The following PIK3CD variants were observed in gnomAD, a reference collection of about 807,000 sequenced individuals.
PIK3CD encodes the protein phosphatidylinositol-4,5-bisphosphate 3-kinase catalytic subunit delta, also known as phosphatidylinositol 4,5-bisphosphate 3-kinase catalytic subunit delta isoform.
Under a neutral mutation model 122.9 loss-of-function variants are expected in PIK3CD, and 20 were observed. The observed-to-expected ratio is 0.16, with a 90% confidence interval of 0.11 to 0.24. The LOEUF (loss-of-function observed/expected upper bound fraction) is 0.24, where lower values mean the gene tolerates loss of function less well. Ranked by LOEUF, PIK3CD falls within the 10% of genes least tolerant of loss-of-function variation. PIK3CD has a pLI of 1.00. For missense variants in PIK3CD, 787 were observed against 1,406.3 expected, an observed-to-expected ratio of 0.56 and a Z score of 7.04; for synonymous variants, 596 against 593.4, an observed-to-expected ratio of 1.00 and a Z score of -0.06.
chr1:9,658,385 CAAAA>C (rs58808659), intron 1 of PIK3CD, among the ~76,000 whole-genome samples: 1 of 81,616 alleles, frequency 1.2e-5, no homozygotes. Flanking sequence ...GACCCTGTCT[CAAAA>C]AAAAAAAAAA....
rs563799445 is a variant in PIK3CD at position 9,679,931 on chromosome 1, C to T, written c.-137-11536C>T. Among the ~76,000 whole-genome samples the T allele has an allele frequency of 2.8e-4, 42 of 151,990 alleles. 1 individual carries two copies. The South Asian group carries it at 8.3e-3, about 30-fold the overall frequency. ...CCTCTGCCTCCCGGGTTCAAGTGAT[C>T]CTTCTGTTTCAGCCTCCCGAGTAGC... On this transcript the variant is annotated intron_variant, in intron 1 of 23. Coordinates refer to ENST00000377346, the MANE Select transcript of PIK3CD (RefSeq NM_005026.5).
In PIK3CD at chr1:9,721,747, C is replaced by T; in HGVS notation, c.1956-14C>T. 2 of 1,612,506 alleles carry T rather than the reference C, an allele frequency of 1.2e-6. No individual in the cohort carries two copies. The highest frequency in any genetic ancestry group is 2.7e-5 in the African/African-American group (2 of 75,052). ...TGCTGCCTGGTGAGGCTCAGCCCTC[C>T]CTTCACCTTCCAGCTCCGAGATGCA... On this transcript the variant is annotated splice_polypyrimidine_tract_variant and intron_variant, in intron 15 of 23. Coordinates refer to ENST00000377346, the MANE Select transcript of PIK3CD (RefSeq NM_005026.5).
At chr1:9,635,887 A>G in the PIK3CD span, among the ~76,000 whole-genome samples, 1 of 152,232 alleles carries the variant, frequency 6.6e-6, no homozygotes, top group Non-Finnish European at 1.5e-5. Context: ...ACATGTGAGC[A>G]TCTGGCTGCC....
Position 9,717,706 on chromosome 1 carries a change from G to A in PIK3CD, c.1020+80G>A, listed in dbSNP as rs1214984421. The A allele has an allele frequency of 8.0e-7, 1 of 1,257,142 alleles. No individual in the cohort carries two copies. Among genetic ancestry groups the A allele is most frequent in the Non-Finnish European group, 1.1e-6 (1 of 870,394 alleles). The allele number at this position is 1,257,142 out of a possible 1,614,324, so 77.9% of individuals were successfully genotyped here. On this transcript the variant is annotated intron_variant, in intron 8 of 23. Coordinates refer to ENST00000377346, the MANE Select transcript of PIK3CD (RefSeq NM_005026.5). The surrounding 1 kb of genome is among the most constrained non-coding windows in gnomAD (Gnocchi z 5.4). Reference sequence around the variant, plus strand: ...GCTGTATCCTGGAGGGGTAGCAGAGGAAGGAGGGGGATCACATGAAAGCCA... The same window carrying A: ...GCTGTATCCTGGAGGGGTAGCAGAGAAAGGAGGGGGATCACATGAAAGCCA...
intron 3 of PIK3CD, among the ~76,000 whole-genome samples, chr1:9,714,649 G>A (rs998916403): frequency 2.0e-5 from 3 of 152,094 alleles, no homozygotes; most frequent in Admixed American, 2.0e-4. Flanking sequence ...GTCACAGCTT[G>A]GCGCCATCCC....
intron 2 of PIK3CD, among the ~76,000 whole-genome samples, chr1:9,692,737 T>C (rs192510606): frequency 5.6e-4 from 85 of 152,014 alleles, no homozygotes; most frequent in East Asian, 4.6e-3. Flanking sequence ...CTCAAAAAAA[T>C]AAATAAATAA....
the PIK3CD span, among the ~76,000 whole-genome samples, chr1:9,633,800 C>G: frequency 6.6e-6 from 1 of 152,076 alleles, no homozygotes. Flanking sequence ...TCTTGGAATG[C>G]TACCTCTGCC....
At chr1:9,675,096 C>T (rs1240005920) in intron 1 of PIK3CD, among the ~76,000 whole-genome samples, 1 of 151,176 alleles carries the variant, frequency 6.6e-6, no homozygotes, top group African/African-American at 2.4e-5. Flanking sequence ...TATGACAACC[C>T]TGTTTGAGGC....
chr1:9,641,473 C>G, the PIK3CD span, among the ~76,000 whole-genome samples: 17 of 150,322 alleles, frequency 1.1e-4, no homozygotes, highest in African/African-American at 4.3e-4. Flanking sequence ...CAAGGTCACA[C>G]AGCCGACAGA....
chr1:9,642,710 C>G, the PIK3CD span, among the ~76,000 whole-genome samples: 1 of 138,378 alleles, frequency 7.2e-6, no homozygotes, highest in Non-Finnish European at 1.6e-5. Flanking sequence ...GAGCGAGACT[C>G]TGTCTCAAAA....
At chr1:9,716,202 T>C in intron 5 of PIK3CD, 124 bp downstream of exon 5, 1 of 918,884 alleles carries the variant, frequency 1.1e-6, no homozygotes, top group Non-Finnish European at 1.7e-6. Flanking sequence ...GTTTGCCAGG[T>C]GTCTGTGCAT....
chr1:9,634,149 GTTT>G, the PIK3CD span, among the ~76,000 whole-genome samples: 1 of 46,332 alleles, frequency 2.2e-5, no homozygotes, highest in Non-Finnish European at 3.5e-5. Flanking sequence ...TTTTTGGGTT[GTTT>G]TTTTTTTTTT....
At chr1:9,687,018 T>G (rs562195275) in intron 1 of PIK3CD, among the ~76,000 whole-genome samples, 1 of 152,338 alleles carries the variant, frequency 6.6e-6, no homozygotes, top group African/African-American at 2.4e-5. Flanking sequence ...AAAGTCACTT[T>G]TGGGGGCTTT....
rs957218514 is a variant in PIK3CD at position 9,723,053 on chromosome 1, T to C, written c.2427-72T>C. On this transcript the variant is annotated intron_variant, in intron 19 of 23. Transcript: ENST00000377346. The surrounding 1 kb of genome is among the most constrained non-coding windows in gnomAD (Gnocchi z 4.9). ...GTGGCTTTTTGGGGCACCATGAGTT[T>C]CTGGGGCTCAAGTGGCCTCAGGGAC... 10 of 1,491,976 alleles carry C rather than the reference T, an allele frequency of 6.7e-6. No individual in the cohort carries two copies. The African/African-American group carries it at 1.4e-4, about 21-fold the overall frequency. 92.4% of individuals were successfully genotyped at this position (1,491,976 alleles called of 1,614,324 possible). A position where few individuals can be genotyped will look rare whatever the true frequency, so the allele number is the denominator to read the frequency against.
At chr1:9,698,980 G>C (rs1646522755) in intron 2 of PIK3CD, among the ~76,000 whole-genome samples, 1 of 152,080 alleles carries the variant, frequency 6.6e-6, no homozygotes, top group Admixed American at 6.6e-5. Context: ...TTGAGCCCAG[G>C]AGTTTGAGAC....
rs1646751557 is a variant in PIK3CD, at chr1:9,704,312, G to T, written c.-32-6112G>T. Among the ~76,000 whole-genome samples, 1 of 152,192 alleles carries T rather than the reference G, an allele frequency of 6.6e-6. No homozygotes were observed. Among genetic ancestry groups the T allele is most frequent in the South Asian group, 2.1e-4 (1 of 4,826 alleles). ...GTGCTAAGGGGCAGGAGAGTGAGGG[G>T]TGTATTTTCCTGGAACCCAGGCTGT... On this transcript the variant is annotated intron_variant, in intron 2 of 23. Coordinates refer to ENST00000377346, the MANE Select transcript of PIK3CD (RefSeq NM_005026.5). The surrounding 1 kb of genome is among the most constrained non-coding windows in gnomAD (Gnocchi z 5.0).
chr1:9,702,566 G>GCTGGAGT (rs1258297041), intron 2 of PIK3CD, among the ~76,000 whole-genome samples: 1 of 115,216 alleles, frequency 8.7e-6, no homozygotes, highest in Non-Finnish European at 1.7e-5. Context: ...TGCTGCCCAG[G>GCTGGAGT]CTGGAGTGCA....
intron 2 of PIK3CD, among the ~76,000 whole-genome samples, chr1:9,697,810 C>A (rs1190733099): frequency 1.3e-5 from 2 of 151,818 alleles, no homozygotes; most frequent in African/African-American, 4.8e-5. Flanking sequence ...GCGGGTGGAG[C>A]ACTTGAAGTC....
At position 9,720,842 on chromosome 1, in the gene PIK3CD, A is replaced by G; in HGVS notation, c.1622A>G (p.His541Arg). 6.2e-7 allele frequency: 1 copy of G among 1,612,394 alleles called. No individual in the cohort carries two copies. The highest frequency in any genetic ancestry group is 8.5e-7 in the Non-Finnish European group (1 of 1,179,490). Residue 541 changes from histidine to arginine, a missense_variant, in exon 13 of 24, where the codon CAC becomes CGC. Transcript: ENST00000377346. This position sits in a 1 kb window ranked among gnomAD's most constrained non-coding sequence, Gnocchi z 9.0. ...AAGCTGCGGCATGAAGTCCAGGAGCACTTCCCGGAGGCGCTAGCCCGGCTG... is the reference window on the plus strand; with the variant it reads ...AAGCTGCGGCATGAAGTCCAGGAGCGCTTCCCGGAGGCGCTAGCCCGGCTG... ...VWKLRHEVQE[H>R]FPEALARLLL... is the part of the protein sequence containing the mutation.
Sources: gnomAD v4.1 joint callset for allele counts (sites outside exome capture counted in the v4.1 genomes callset) on GRCh38, gnomAD v4.1.1 for gene constraint, Gnocchi (gnomAD v3.1) non-coding constraint, MANE v1.5 for transcripts, NCBI Gene and HGNC (gene_info 2026-07-23, HGNC 2026-07-21) for gene names.